Variants in PROSER2 observed in about 807,000 individuals in gnomAD.
The protein encoded by PROSER2 is proline and serine-rich protein 2.
Under a neutral mutation model 14.6 loss-of-function variants are expected in PROSER2, and 18 were observed. The ratio of observed to expected loss-of-function variants is 1.23; its 90% confidence interval spans 0.85 to 1.83. The LOEUF (loss-of-function observed/expected upper bound fraction) is 1.83. PROSER2 is among the 40% of genes most tolerant of loss of function. PROSER2 has a pLI of 0.00. For synonymous variants in PROSER2, 367 were observed against 286.4 expected (o/e 1.28, Z -2.84); for missense variants, 823 against 629.8 (o/e 1.31, Z -3.28).
At position 11,836,959 on chromosome 10, in the gene PROSER2, C is replaced by T. The variant is rs555179858; in HGVS notation, c.-82+13489C>T. ...CCATTCTGAGTAGTGGGATGAAATG[C>T]GTCGTTCTGATCCATTGCCTCCTGC... On this transcript the variant is annotated intron_variant, in intron 1 of 3. Coordinates refer to ENST00000277570, the MANE Select transcript of PROSER2 (RefSeq NM_153256.4). The surrounding 1 kb of genome is among the most constrained non-coding windows in gnomAD (Gnocchi z 4.6). 2.6e-5 allele frequency among the ~76,000 whole-genome samples: 4 copies of T among 152,264 alleles called. No individual in the cohort carries two copies. Among genetic ancestry groups the T allele is most frequent in the South Asian group, 2.1e-4 (1 of 4,824 alleles).
Position 11,835,606 on chromosome 10 carries a change from TTCC to T in PROSER2, c.-82+12138_-82+12140del, listed in dbSNP as rs1833749532. Among the ~76,000 whole-genome samples, 7 of 152,354 alleles carry T rather than the reference TTCC, an allele frequency of 4.6e-5. No individual in the cohort carries two copies. The South Asian group carries it at 1.4e-3, about 32-fold the overall frequency. On this transcript the variant is annotated intron_variant, in intron 1 of 3. Transcript: ENST00000277570. ...CAAGAGTCTTGACATCATTCATTGC[TTCC>T]TTTTCCAGTACATTTCTTATTATAA...
intron 1 of PROSER2, among the ~76,000 whole-genome samples, chr10:11,834,353 A>G (rs540044062): frequency 6.6e-6 from 1 of 152,070 alleles, no homozygotes; most frequent in African/African-American, 2.4e-5. Context: ...GGAAGAGACA[A>G]GGCTAGGCCA....
intron 1 of PROSER2, among the ~76,000 whole-genome samples, chr10:11,834,195 A>G (rs1183373558): frequency 6.6e-6 from 1 of 150,916 alleles, no homozygotes; most frequent in East Asian, 2.0e-4. Context: ...GGGTTTCACC[A>G]TGTTAGCCAG....
At chr10:11,851,237 G>C (rs72768238) in intron 1 of PROSER2, 15,687 of 152,284 alleles carry the variant, frequency 0.1, 1,051 homozygotes, top group Non-Finnish European at 0.15. Context: ...GCCAGGGTTG[G>C]GGGGGCAGTC....
chr10:11,860,886 A>G (rs1834223302), intron 2 of PROSER2, among the ~76,000 whole-genome samples: 1 of 151,994 alleles, frequency 6.6e-6, no homozygotes, highest in African/African-American at 2.4e-5. Context: ...TGGGTGAATC[A>G]CTTGAGGTCA....
rs1173135374 is a variant in PROSER2 at position 11,837,936 on chromosome 10, C to T, written c.-81-14061C>T. Among the ~76,000 whole-genome samples the T allele has an allele frequency of 6.6e-6, 1 of 151,872 alleles. No homozygotes were observed. The highest frequency in any genetic ancestry group is 1.5e-5 in the Non-Finnish European group (1 of 67,978). ...ACACCCTTGCGGTCTTCGGACTTCC[C>T]TCCTGAATTGCCCCGGGGTTTCTAG... On this transcript the variant is annotated intron_variant, in intron 1 of 3. Coordinates refer to ENST00000277570, the MANE Select transcript of PROSER2 (RefSeq NM_153256.4). The surrounding 1 kb of genome is among the most constrained non-coding windows in gnomAD (Gnocchi z 4.6).
intron 1 of PROSER2, among the ~76,000 whole-genome samples, chr10:11,845,966 C>A (rs897403594): frequency 6.6e-6 from 1 of 152,112 alleles, no homozygotes; most frequent in Non-Finnish European, 1.5e-5. Flanking sequence ...AACATTACTT[C>A]ATTCATTCAT....
At chr10:11,849,192 A>C (rs1455958425) in intron 1 of PROSER2, among the ~76,000 whole-genome samples, 2 of 151,910 alleles carry the variant, frequency 1.3e-5, no homozygotes, top group Non-Finnish European at 2.9e-5. Flanking sequence ...GTCTCAAAAA[A>C]AAAACAAAAA....
chr10:11,863,495 G>A (rs192519013), intron 2 of PROSER2, among the ~76,000 whole-genome samples: 1 of 151,022 alleles, frequency 6.6e-6, no homozygotes, highest in Admixed American at 6.6e-5. Flanking sequence ...TCAGGATCGC[G>A]CCACTGCACT....
intron 1 of PROSER2, among the ~76,000 whole-genome samples, chr10:11,840,209 T>C (rs1473742827): frequency 6.6e-6 from 1 of 151,312 alleles, no homozygotes; most frequent in African/African-American, 2.4e-5. Context: ...TGCCTTGGCC[T>C]CCCAAAGTGC....
At position 11,870,253 on chromosome 10, in the gene PROSER2, G is replaced by C; in HGVS notation, c.1155G>C (p.Gly385=). 6.7e-7 allele frequency: 1 copy of C among 1,486,910 alleles called. No individual in the cohort carries two copies. The highest frequency in any genetic ancestry group is 8.9e-7 in the Non-Finnish European group (1 of 1,126,340). 92.1% of individuals were successfully genotyped at this position (1,486,910 alleles called of 1,614,324 possible). Reference sequence around the variant, plus strand: ...CGCGGGCCCGTCAGAGCTTCCCCGGGCCCCGGCAGCCCAACGGCGCCCAGG... The same window carrying C: ...CGCGGGCCCGTCAGAGCTTCCCCGGCCCCCGGCAGCCCAACGGCGCCCAGG... ...PSTRARQSFP[G]PRQPNGAQDW... is the part of the protein sequence containing the mutation. The change falls in exon 4 of 4, where the codon GGG becomes GGC. Residue 385 remains glycine (G), a synonymous_variant. Transcript: ENST00000277570.
intron 1 of PROSER2, among the ~76,000 whole-genome samples, chr10:11,834,402 C>T (rs781081786): frequency 2.0e-5 from 3 of 152,004 alleles, no homozygotes; most frequent in Non-Finnish European, 4.4e-5. Context: ...CACGTTCTTA[C>T]AGATCGGCTC....
intron 1 of PROSER2, among the ~76,000 whole-genome samples, chr10:11,843,574 T>C (rs1833882084): frequency 6.6e-6 from 1 of 151,606 alleles, no homozygotes; most frequent in Non-Finnish European, 1.5e-5. Context: ...TAGTCCCAGC[T>C]ACTCGAGAGG....
rs1564310261 is a variant in PROSER2, at chr10:11,856,293, C to T, written c.138+4078C>T. Among the ~76,000 whole-genome samples the T allele has an allele frequency of 6.6e-6, 1 of 152,210 alleles. No individual in the cohort carries two copies. The highest frequency in any genetic ancestry group is 2.4e-5 in the African/African-American group (1 of 41,454). Reference sequence around the variant, plus strand: ...CTCTAAGGCCTGTGTCTCCAGGGCTCACCTCGTCTCACAAAACCCCCTGGG... The same window carrying T: ...CTCTAAGGCCTGTGTCTCCAGGGCTTACCTCGTCTCACAAAACCCCCTGGG... On this transcript the variant is annotated intron_variant, in intron 2 of 3. Transcript: ENST00000277570. The surrounding 1 kb of genome is among the most constrained non-coding windows in gnomAD (Gnocchi z 5.3).
rs574434364 is a variant in PROSER2, at chr10:11,856,702, A to T, written c.138+4487A>T. On this transcript the variant is annotated intron_variant, in intron 2 of 3. Transcript: ENST00000277570. This position sits in a 1 kb window ranked among gnomAD's most constrained non-coding sequence, Gnocchi z 5.3. ...TGAAGTCACACAGCGGTCTGTGACCAGGCAGCCGGCAGCTCCTGAGCCACC... is the reference window on the plus strand; with the variant it reads ...TGAAGTCACACAGCGGTCTGTGACCTGGCAGCCGGCAGCTCCTGAGCCACC... 6.6e-6 allele frequency among the ~76,000 whole-genome samples: 1 copy of T among 152,364 alleles called. No homozygotes were observed. Among genetic ancestry groups the T allele is most frequent in the Admixed American group, 6.5e-5 (1 of 15,304 alleles).
Position 11,866,831 on chromosome 10 carries a change from G to A in PROSER2, c.391+48G>A, listed in dbSNP as rs762411996. On this transcript the variant is annotated intron_variant, in intron 3 of 3. Transcript: ENST00000277570. This position sits in a 1 kb window ranked among gnomAD's most constrained non-coding sequence, Gnocchi z 6.0. ...CCTGGGATGTGGTTTCCTGGTGTCT[G>A]TGAGACCCAGAGATACTTCTTTTGT... 5 of 1,575,900 alleles carry A rather than the reference G, an allele frequency of 3.2e-6. No individual in the cohort carries two copies. The highest frequency in any genetic ancestry group is 1.8e-5 in the Admixed American group (1 of 57,004).
intron 1 of PROSER2, 53 bp from the exon 2 acceptor site, chr10:11,851,944 C>A: frequency 2.3e-6 from 2 of 854,866 alleles, no homozygotes; most frequent in Non-Finnish European, 3.2e-6. Context: ...GGGATTGAGG[C>A]GTTTTACAGT....
rs1329392207 is a variant in PROSER2, at chr10:11,870,135, C to G, written c.1037C>G (p.Pro346Arg). 1.4e-6 allele frequency: 2 copies of G among 1,393,882 alleles called. No homozygotes were observed. The highest frequency in any genetic ancestry group is 1.5e-5 in the South Asian group (1 of 65,076). The allele number at this position is 1,393,882 out of a possible 1,614,324, so 86.3% of individuals were successfully genotyped here. Residue 346 changes from proline (P) to arginine (R), a missense_variant, in exon 4 of 4, where the codon CCA (proline) becomes CGA (arginine). By Grantham distance (103) the Pro-to-Arg change is moderately radical (BLOSUM62 -2). Coordinates refer to ENST00000277570, the MANE Select transcript of PROSER2 (RefSeq NM_153256.4). ...PRGPALANGFPSAHEALKSAP... is the reference protein window; with the variant it reads ...PRGPALANGFRSAHEALKSAP... Reference sequence around the variant, plus strand: ...GGCCCGGCGCTGGCCAACGGCTTCCCAAGTGCGCACGAGGCCCTGAAGAGC... The same window carrying G: ...GGCCCGGCGCTGGCCAACGGCTTCCGAAGTGCGCACGAGGCCCTGAAGAGC...
rs556572681 is a variant in PROSER2 at position 11,829,148 on chromosome 10, G to T, written c.-82+5678G>T. ...TGGAGTAGACGTTTACATATGGAGG[G>T]ATTAACTTGAAGTTGAACAGGATGT... is the stretch of plus-strand genomic sequence containing the variant. On this transcript the variant is annotated intron_variant, in intron 1 of 3. Coordinates refer to ENST00000277570, the MANE Select transcript of PROSER2 (RefSeq NM_153256.4). 5.9e-5 allele frequency among the ~76,000 whole-genome samples: 9 copies of T among 151,962 alleles called. No homozygotes were observed. In the East Asian group the frequency reaches 9.7e-4, roughly 16 times the overall value.
Sources: gnomAD v4.1 joint callset for allele counts (sites outside exome capture counted in the v4.1 genomes callset) on GRCh38, gnomAD v4.1.1 for gene constraint, Gnocchi (gnomAD v3.1) non-coding constraint, MANE v1.5 for transcripts, NCBI Gene and HGNC (gene_info 2026-07-23, HGNC 2026-07-21) for gene names.